GALNT12: variants seen among roughly 807,000 people sequenced by gnomAD.
GALNT12 encodes the protein polypeptide N-acetylgalactosaminyltransferase 12, also known as UDP-GalNAc:polypeptide N-acetylgalactosaminyltransferase 12.
A neutral mutation model predicts 55.5 loss-of-function variants in GALNT12; 45 were observed. That is an observed-to-expected ratio of 0.81 (90% CI 0.64 to 1.04). The LOEUF is 1.04. Among genes scored for constraint, GALNT12 ranks in the 50% least tolerant of loss-of-function variants. GALNT12 has a pLI of 0.00. For synonymous variants in GALNT12, 304 were observed against 312.2 expected (o/e 0.97, Z 0.28); for missense variants, 709 against 754.8 (o/e 0.94, Z 0.71).
chr9:98,835,130 C>CG (rs1836106461), intron 4 of GALNT12, 119 bp from the exon 5 acceptor site: 1 of 799,516 alleles, frequency 1.3e-6, no homozygotes, highest in Non-Finnish European at 2.3e-6. Context: ...GAGGTGAAGG[C>CG]GGGATATGCT....
rs746070097 is a variant in GALNT12, at chr9:98,844,182, C to T, written c.1431C>T (p.Tyr477=). The T allele has an allele frequency of 6.2e-7, 1 of 1,612,804 alleles. No individual in the cohort carries two copies. The highest frequency in any genetic ancestry group is 1.7e-5 in the Admixed American group (1 of 60,032). The change falls in exon 8 of 10, where the codon TAC becomes TAT. Residue 477 remains tyrosine (Y), a synonymous_variant. Transcript: ENST00000375011. ...TTGTGGGACACCAGGTCATTCTGTA[C>T]CTCTGTCATGGGATGGGCCAGAATC... ...NQIVGHQVIL[Y]LCHGMGQNQF...
intron 1 of GALNT12, among the ~76,000 whole-genome samples, chr9:98,816,087 A>C (rs1835604367): frequency 6.6e-6 from 1 of 152,102 alleles, no homozygotes; most frequent in African/African-American, 2.4e-5. Context: ...ACTATACTAT[A>C]TTTTCTTCTT....
chr9:98,813,474 C>T (rs1465487640), intron 1 of GALNT12, among the ~76,000 whole-genome samples: 4 of 151,804 alleles, frequency 2.6e-5, no homozygotes, highest in Non-Finnish European at 2.9e-5. Context: ...TTTTACTTTC[C>T]TGTCGGCTAA....
At chr9:98,824,001 A>G (rs1161259464) in intron 2 of GALNT12, among the ~76,000 whole-genome samples, 2 of 152,214 alleles carry the variant, frequency 1.3e-5, no homozygotes, top group Non-Finnish European at 2.9e-5. Flanking sequence ...AGCTTAACCA[A>G]GGACAAGTGT....
intron 5 of GALNT12, among the ~76,000 whole-genome samples, chr9:98,836,293 G>T (rs1049183220): frequency 1.3e-5 from 2 of 152,160 alleles, no homozygotes; most frequent in Admixed American, 1.3e-4. Flanking sequence ...CTTTTCAGTG[G>T]AAAATTAAGA....
intron 2 of GALNT12, among the ~76,000 whole-genome samples, chr9:98,826,247 G>A (rs1313034259): frequency 6.6e-6 from 1 of 152,110 alleles, no homozygotes; most frequent in Non-Finnish European, 1.5e-5. Flanking sequence ...AAATCACCTA[G>A]GTAGTACTTG....
At chr9:98,811,831 C>T (rs1325270065) in intron 1 of GALNT12, among the ~76,000 whole-genome samples, 4 of 151,860 alleles carry the variant, frequency 2.6e-5, no homozygotes, top group South Asian at 2.1e-4. Flanking sequence ...TATAGGCAAG[C>T]GCCACCACAC....
intron 4 of GALNT12, among the ~76,000 whole-genome samples, chr9:98,834,999 A>C (rs543575273): frequency 6.2e-4 from 94 of 152,110 alleles, no homozygotes; most frequent in Admixed American, 1.2e-3. Flanking sequence ...GCCCTGGCTG[A>C]CCTTAGTTAA....
At chr9:98,837,264 C>T (rs1836178926) in intron 6 of GALNT12, 116 bp downstream of exon 6, 4 of 973,780 alleles carry the variant, frequency 4.1e-6, no homozygotes, top group Non-Finnish European at 6.7e-6. Context: ...ATTGGGTGCT[C>T]AGATACGAGT....
intron 1 of GALNT12, among the ~76,000 whole-genome samples, chr9:98,815,971 C>T (rs117912299): frequency 1.3e-5 from 2 of 152,178 alleles, no homozygotes; most frequent in Non-Finnish European, 2.9e-5. Context: ...TGTTGTTTTA[C>T]GTGGTGCCTC....
At chr9:98,846,361 C>T (rs7858352) in intron 9 of GALNT12, among the ~76,000 whole-genome samples, 2,276 of 152,236 alleles carry the variant, frequency 0.015, 66 homozygotes, top group African/African-American at 0.052. Flanking sequence ...CCTCATTGTC[C>T]AGTCCCTTTT....
chr9:98,826,146 C>T (rs891342030), intron 2 of GALNT12, among the ~76,000 whole-genome samples: 2 of 152,140 alleles, frequency 1.3e-5, no homozygotes, highest in Admixed American at 6.5e-5. Flanking sequence ...GTTACTTAGC[C>T]TCTCCGGCCT....
At chr9:98,815,834 C>T (rs559874868) in intron 1 of GALNT12, among the ~76,000 whole-genome samples, 7 of 152,318 alleles carry the variant, frequency 4.6e-5, no homozygotes, top group East Asian at 1.9e-4. Context: ...TATGCGTGAA[C>T]GCGCTCACAT....
chr9:98,821,390 G>A (rs910663457), intron 1 of GALNT12, among the ~76,000 whole-genome samples: 1 of 152,008 alleles, frequency 6.6e-6, no homozygotes, highest in African/African-American at 2.4e-5. Flanking sequence ...GGGAGGCCGA[G>A]GTGGGCGGAT....
At chr9:98,833,746 A>ATCCT (rs1836062201) in intron 4 of GALNT12, among the ~76,000 whole-genome samples, 1 of 152,092 alleles carries the variant, frequency 6.6e-6, no homozygotes, top group African/African-American at 2.4e-5. Flanking sequence ...CTCACTGAAT[A>ATCCT]GGTTTGGAAA....
intron 7 of GALNT12, among the ~76,000 whole-genome samples, chr9:98,841,866 C>A: frequency 6.6e-6 from 1 of 151,060 alleles, no homozygotes; most frequent in Non-Finnish European, 1.5e-5. Context: ...TTAGCAGAGA[C>A]GGGGTTTCAC....
intron 3 of GALNT12, among the ~76,000 whole-genome samples, chr9:98,829,816 G>A (rs1435556465): frequency 3.3e-5 from 5 of 152,014 alleles, no homozygotes; most frequent in Non-Finnish European, 5.9e-5. Context: ...TCTTTTTTAC[G>A]GATGAATAGT....
At chr9:98,809,401 G>T (rs1462104093) in intron 1 of GALNT12, among the ~76,000 whole-genome samples, 1 of 152,214 alleles carries the variant, frequency 6.6e-6, no homozygotes, top group Non-Finnish European at 1.5e-5. Flanking sequence ...AACCCCGAGG[G>T]TGCCCGCTGA....
At chr9:98,841,407 T>G (rs1274980017) in intron 7 of GALNT12, among the ~76,000 whole-genome samples, 2 of 152,186 alleles carry the variant, frequency 1.3e-5, no homozygotes, top group Non-Finnish European at 2.9e-5. Flanking sequence ...GTGATAAGGT[T>G]GACCAGTGGG....
Sources: allele counts gnomAD v4.1 joint callset (sites outside exome capture counted in the v4.1 genomes callset), GRCh38; gene constraint gnomAD v4.1.1; transcripts MANE v1.5; gene names NCBI Gene and HGNC (gene_info 2026-07-23, HGNC 2026-07-21).